Variants in TAB3 observed in about 807,000 individuals in gnomAD.
The protein encoded by TAB3 is TGF-beta activated kinase 1 (MAP3K7) binding protein 3, also known as TGF-beta-activated kinase 1 and MAP3K7-binding protein 3.
TAB3 carries 18 observed loss-of-function variants against 48.1 expected under a neutral mutation model. The observed-to-expected ratio is 0.37, with a 90% CI of 0.26 to 0.55. TAB3 has a LOEUF of 0.55. Ranked by LOEUF, TAB3 falls within the 20% of genes least tolerant of loss-of-function variation. TAB3 has a pLI of 0.78. For missense variants in TAB3, 414 were observed against 549.8 expected, an observed-to-expected ratio of 0.75 and a Z score of 2.47; for synonymous variants, 185 against 190.2, an observed-to-expected ratio of 0.97 and a Z score of 0.22.
intron 4 of TAB3, among the ~76,000 whole-genome samples, chrX:30,866,913 C>A (rs913754865): frequency 1.3e-4 from 13 of 100,314 alleles, no homozygotes; most frequent in Non-Finnish European, 2.2e-4. Context: ...AGAAACCTGA[C>A]AAACACGTTC....
At chrX:30,836,889 T>C (rs1938241803) in intron 9 of TAB3, 1 of 110,460 alleles carries the variant, frequency 9.1e-6, no homozygotes, top group Non-Finnish European at 1.9e-5. Context: ...AAGGTACTTG[T>C]AGAGCGCTAG....
At position 30,868,371 on chromosome X, in the gene TAB3, C is replaced by CTTTTATATATATATATATATATAAGCTT; in HGVS notation, c.-279-823_-279-822insAAGCTTATATATATATATATATATAAAA. Among the ~76,000 whole-genome samples the CTTTTATATATATATATATATATAAGCTT allele has an allele frequency of 7.3e-4, 2 of 2,744 alleles. 1 individual carries two copies. The highest frequency in any genetic ancestry group is 3.0e-3 in the African/African-American group (2 of 667). 2.4% of individuals were successfully genotyped at this position (2,744 alleles called of 115,157 possible). A position where few individuals can be genotyped will look rare whatever the true frequency, so the allele number is the denominator to read the frequency against. On this transcript the variant is annotated intron_variant, in intron 2 of 10. Coordinates refer to ENST00000288422, the MANE Select transcript of TAB3 (RefSeq NM_152787.5). ...ATATAGCTTATATATATATATATAG[C>CTTTTATATATATATATATATATAAGCTT]TTATATATATATAGCTTATATATAT... is the stretch of plus-strand genomic sequence containing the variant.
At chrX:30,845,641 T>G (rs770400084) in intron 8 of TAB3, 27 of 114,204 alleles carry the variant, frequency 2.4e-4, no homozygotes, top group Middle Eastern at 4.6e-3. Context: ...ATCTATAATT[T>G]TGATTGCTTT....
chrX:30,833,627 C>T (rs1180856907), intron 10 of TAB3, among the ~76,000 whole-genome samples: 13 of 109,725 alleles, frequency 1.2e-4, no homozygotes, highest in African/African-American at 2.7e-4. Context: ...GTCAGGAGAT[C>T]GATACCATCC....
At position 30,855,397 on chromosome X, in the gene TAB3, C is replaced by T; in HGVS notation, c.268G>A (p.Ala90Thr). Residue 90 changes from alanine to threonine, a missense_variant, in exon 6 of 11, where the codon GCC becomes ACC. Transcript: ENST00000288422. ...AGTGTTCGACCACCATTAAGTTGGG[C>T]TCCATCTCCTGGGTGATAGCTACTA... ...SPSSYHPGDG[A>T]QLNGGRTLVH... is the part of the protein sequence containing the mutation. The T allele has an allele frequency of 8.3e-7, 1 of 1,211,050 alleles. No individual in the cohort carries two copies. The highest frequency in any genetic ancestry group is 1.1e-6 in the Non-Finnish European group (1 of 895,103).
At chrX:30,875,461 T>C (rs1939800083) in intron 1 of TAB3, among the ~76,000 whole-genome samples, 1 of 108,349 alleles carries the variant, frequency 9.2e-6, no homozygotes, top group African/African-American at 3.6e-5. Flanking sequence ...TCTAGGAATC[T>C]CAGCAGAACT....
intron 6 of TAB3, 140 bp from the exon 7 acceptor site, chrX:30,853,078 C>G (rs1938920015): frequency 1.7e-6 from 1 of 579,679 alleles, no homozygotes; most frequent in South Asian, 3.2e-5. Context: ...TAATGCTATG[C>G]TGCCTCCACA....
At chrX:30,879,351 A>C (rs1939933274) in intron 1 of TAB3, among the ~76,000 whole-genome samples, 1 of 112,097 alleles carries the variant, frequency 8.9e-6, no homozygotes, top group Non-Finnish European at 1.9e-5. Flanking sequence ...AGAAAAACAA[A>C]ATTTCAGGCC....
chrX:30,882,834 C>T (rs1240897891), intron 1 of TAB3, among the ~76,000 whole-genome samples: 1 of 111,840 alleles, frequency 8.9e-6, no homozygotes. Flanking sequence ...TTAATGTCTT[C>T]GTTTAGACAA....
intron 4 of TAB3, among the ~76,000 whole-genome samples, chrX:30,863,322 A>G (rs1341253444): frequency 2.7e-5 from 3 of 112,582 alleles, no homozygotes; most frequent in Admixed American, 9.4e-5. Context: ...ACTTTAAAAA[A>G]GCAACTTCCA....
At chrX:30,857,642 A>G (rs143652667) in intron 5 of TAB3, among the ~76,000 whole-genome samples, 348 of 111,607 alleles carry the variant, frequency 3.1e-3, no homozygotes, top group Non-Finnish European at 5.1e-3. Flanking sequence ...AATTGTCAGC[A>G]TATCTATAGT....
In TAB3 at chrX:30,843,071, C is replaced by T. The variant is rs185302546; in HGVS notation, c.1805-22G>A. 2,426 of 950,262 alleles carry T rather than the reference C, an allele frequency of 2.6e-3. 5 individuals carry two copies. Among genetic ancestry groups the T allele is most frequent in the Non-Finnish European group, 3.0e-3 (2,037 of 684,285 alleles). 78.3% of individuals were successfully genotyped at this position (950,262 alleles called of 1,213,427 possible). ...TTTCCTATAAAGAAAGTAAATTCAT[C>T]AGGCATTTAAGAACTCTTTTTTCCT... On this transcript the variant is annotated intron_variant, in intron 8 of 10. Transcript: ENST00000288422.
intron 2 of TAB3, among the ~76,000 whole-genome samples, chrX:30,867,917 A>T (rs1939459176): frequency 1.0e-5 from 1 of 97,559 alleles, no homozygotes; most frequent in South Asian, 4.5e-4. Flanking sequence ...CATGCATATA[A>T]TTTTTTTTTT....
Position 30,830,665 on chromosome X carries a change from TA to T in TAB3, c.*761del, listed in dbSNP as rs768161935. On this transcript the variant is annotated 3_prime_UTR_variant, in exon 11 of 11. Coordinates refer to ENST00000288422, the MANE Select transcript of TAB3 (RefSeq NM_152787.5). ...GCCTTAATAAAAACATGCAGTAACT[TA>T]AAAAAATGCATCTCTTATGTGGCAT... The T allele has an allele frequency of 8.9e-6, 1 of 112,055 alleles. No homozygotes were observed. Among genetic ancestry groups the T allele is most frequent in the East Asian group, 2.8e-4 (1 of 3,563 alleles). 9.2% of individuals were successfully genotyped at this position (112,055 alleles called of 1,213,427 possible).
chrX:30,837,666 T>C (rs1938281644), intron 9 of TAB3, among the ~76,000 whole-genome samples: 2 of 112,596 alleles, frequency 1.8e-5, no homozygotes, highest in African/African-American at 6.5e-5. Flanking sequence ...ATAGTGTCAC[T>C]TGATGAGCAG....
chrX:30,846,193 G>A (rs1829125971), intron 8 of TAB3: 1 of 537,473 alleles, frequency 1.9e-6, no homozygotes, highest in Non-Finnish European at 2.5e-6. Flanking sequence ...CTCTGATTTG[G>A]GATCCCTTTT....
intron 8 of TAB3, 174 bp downstream of exon 8, chrX:30,846,377 T>G: frequency 2.6e-6 from 1 of 388,280 alleles, no homozygotes; most frequent in East Asian, 4.2e-5. Flanking sequence ...GTAAAACTAT[T>G]TTTTCATCCC....
intron 9 of TAB3, among the ~76,000 whole-genome samples, chrX:30,838,997 T>C (rs1012652085): frequency 1.3e-4 from 14 of 110,929 alleles, no homozygotes; most frequent in Non-Finnish European, 1.9e-4. Flanking sequence ...CTTTTTTTTT[T>C]TCTCTCTTAC....
intron 1 of TAB3, among the ~76,000 whole-genome samples, chrX:30,873,274 A>C (rs1327682048): frequency 9.0e-6 from 1 of 110,920 alleles, no homozygotes; most frequent in East Asian, 2.8e-4. Flanking sequence ...GCGGTGGCTC[A>C]CGCCTGTAAT....
Sources: allele counts gnomAD v4.1 joint callset (sites outside exome capture counted in the v4.1 genomes callset), GRCh38; gene constraint gnomAD v4.1.1; transcripts MANE v1.5; gene names NCBI Gene and HGNC (gene_info 2026-07-23, HGNC 2026-07-21).